Variants in NEK1 observed in about 807,000 individuals in gnomAD.
NEK1 encodes NIMA related kinase 1.
NEK1 carries 137 observed loss-of-function variants against 182.1 expected under a neutral mutation model. The ratio of observed to expected loss-of-function variants is 0.75; its 90% CI spans 0.65 to 0.87. NEK1 has a LOEUF of 0.87. Among genes scored for constraint, NEK1 ranks in the 40% least tolerant of loss-of-function variants. The pLI is 0.00. For synonymous variants in NEK1, 513 were observed against 492.2 expected, an observed-to-expected ratio of 1.04 and a Z score of -0.56; for missense variants, 1,391 against 1,494.4, an observed-to-expected ratio of 0.93 and a Z score of 1.14.
chr4:169,548,243 A>G (rs1760849749), intron 18 of NEK1, among the ~76,000 whole-genome samples: 1 of 152,128 alleles, frequency 6.6e-6, no homozygotes. Context: ...GTCTGCTGGA[A>G]TTTGCTAGAG....
chr4:169,419,572 A>T (rs1462314960), intron 31 of NEK1, among the ~76,000 whole-genome samples: 3 of 152,218 alleles, frequency 2.0e-5, no homozygotes. Flanking sequence ...GTGGTAGAAA[A>T]AATACCCGAC....
chr4:169,463,103 A>G (rs543457991), intron 27 of NEK1, 140 bp downstream of exon 27: 10 of 500,164 alleles, frequency 2.0e-5, no homozygotes, highest in Non-Finnish European at 3.1e-5. Context: ...AAACACAATC[A>G]TTCTCAATCT....
chr4:169,567,395 G>GA (rs199696036), intron 12 of NEK1, among the ~76,000 whole-genome samples: 19,130 of 146,262 alleles, frequency 0.13, 1,355 homozygotes, highest in African/African-American at 0.19. Context: ...AGTTTTAAGT[G>GA]AAAAAAAAAA....
chr4:169,553,853 G>C (rs1160462915), intron 18 of NEK1, among the ~76,000 whole-genome samples: 1 of 152,180 alleles, frequency 6.6e-6, no homozygotes, highest in Non-Finnish European at 1.5e-5. Flanking sequence ...ATGCTGGAGA[G>C]GATGTGGGGC....
At chr4:169,467,630 A>T (rs1383977023) in intron 26 of NEK1, among the ~76,000 whole-genome samples, 3 of 152,184 alleles carry the variant, frequency 2.0e-5, no homozygotes, top group African/African-American at 7.2e-5. Flanking sequence ...GTTCAACTTA[A>T]GATTTTTCAA....
At chr4:169,449,269 A>G (rs1306975540) in intron 27 of NEK1, among the ~76,000 whole-genome samples, 1 of 152,266 alleles carries the variant, frequency 6.6e-6, no homozygotes, top group Non-Finnish European at 1.5e-5. Context: ...CTGCAGACTT[A>G]AACGACCCTG....
chr4:169,395,900 A>G (rs1381393923), intron 35 of NEK1, among the ~76,000 whole-genome samples: 1 of 152,234 alleles, frequency 6.6e-6, no homozygotes, highest in Non-Finnish European at 1.5e-5. Flanking sequence ...AACACTACAT[A>G]AATGGTGTAA....
chr4:169,527,566 C>T (rs1225077581), intron 19 of NEK1, among the ~76,000 whole-genome samples: 7 of 151,930 alleles, frequency 4.6e-5, no homozygotes, highest in Admixed American at 2.0e-4. Flanking sequence ...TATGTTCCAA[C>T]TGAAATAGTA....
At chr4:169,446,352 T>TA (rs1451246242) in intron 27 of NEK1, among the ~76,000 whole-genome samples, 1 of 151,958 alleles carries the variant, frequency 6.6e-6, no homozygotes, top group African/African-American at 2.4e-5. Flanking sequence ...TTACAACAAA[T>TA]ACTACAGAAA....
intron 18 of NEK1, among the ~76,000 whole-genome samples, chr4:169,547,353 G>C (rs192811895): frequency 2.4e-4 from 36 of 152,300 alleles, no homozygotes; most frequent in African/African-American, 8.7e-4. Context: ...CTGTTAGTCC[G>C]ATGGGCTTCC....
chr4:169,569,459 T>TCGCC (rs1764273025), intron 12 of NEK1, among the ~76,000 whole-genome samples: 1 of 72,422 alleles, frequency 1.4e-5, no homozygotes, highest in African/African-American at 1.0e-4. Flanking sequence ...TCCCTCCCTC[T>TCGCC]CTCCCTCCCT....
intron 23 of NEK1, among the ~76,000 whole-genome samples, chr4:169,490,562 A>G (rs1749877370): frequency 6.6e-6 from 1 of 152,166 alleles, no homozygotes; most frequent in Non-Finnish European, 1.5e-5. Flanking sequence ...AAGAGGATAG[A>G]CAATTCAATG....
chr4:169,402,514 A>G (rs1731858875), intron 32 of NEK1, among the ~76,000 whole-genome samples: 1 of 152,216 alleles, frequency 6.6e-6, no homozygotes, highest in South Asian at 2.1e-4. Flanking sequence ...CAACCATCAT[A>G]ATTCTTCACT....
At chr4:169,541,743 G>A (rs1430116369) in intron 18 of NEK1, among the ~76,000 whole-genome samples, 3 of 152,060 alleles carry the variant, frequency 2.0e-5, no homozygotes, top group Non-Finnish European at 4.4e-5. Flanking sequence ...AGCAACCTTC[G>A]GTATTAACTA....
At chr4:169,494,028 A>C (rs1303313620) in intron 23 of NEK1, among the ~76,000 whole-genome samples, 1 of 152,190 alleles carries the variant, frequency 6.6e-6, no homozygotes, top group Admixed American at 6.5e-5. Context: ...AACAATCTTA[A>C]AGGCAGCTAG....
intron 23 of NEK1, among the ~76,000 whole-genome samples, chr4:169,480,864 C>T (rs1747865435): frequency 6.6e-6 from 1 of 152,108 alleles, no homozygotes; most frequent in Non-Finnish European, 1.5e-5. Context: ...AAGCGTAAGC[C>T]ACTGTGCCCA....
chr4:169,564,169 TAAGTTA>T (rs1426860959), intron 12 of NEK1, among the ~76,000 whole-genome samples: 2 of 152,136 alleles, frequency 1.3e-5, no homozygotes, highest in African/African-American at 2.4e-5. Context: ...TAGAAAAGTT[TAAGTTA>T]TTCTATCATG....
intron 29 of NEK1, among the ~76,000 whole-genome samples, chr4:169,428,034 C>T (rs758997719): frequency 7.3e-5 from 11 of 150,508 alleles, no homozygotes; most frequent in Non-Finnish European, 1.3e-4. Context: ...GTTGCCCAGG[C>T]TGGTATCAAA....
At chr4:169,444,714 A>C (rs1740170681) in intron 27 of NEK1, among the ~76,000 whole-genome samples, 1 of 152,192 alleles carries the variant, frequency 6.6e-6, no homozygotes, top group Non-Finnish European at 1.5e-5. Flanking sequence ...AAAATTAACA[A>C]AGAAACATTT....
Sources: allele counts gnomAD v4.1 joint callset (sites outside exome capture counted in the v4.1 genomes callset), GRCh38; gene constraint gnomAD v4.1.1; transcripts MANE v1.5; gene names NCBI Gene and HGNC (gene_info 2026-07-23, HGNC 2026-07-21).